OR2AT4: variants seen among roughly 807,000 people sequenced by gnomAD.
OR2AT4 encodes olfactory receptor family 2 subfamily AT member 4.
Under a neutral mutation model 10.3 loss-of-function variants are expected in OR2AT4, and 6 were observed. The ratio of observed to expected loss-of-function variants is 0.58; its 90% CI spans 0.32 to 1.15. OR2AT4 has a LOEUF of 1.15. Among genes scored for constraint, OR2AT4 ranks in the 50% most tolerant of loss-of-function variants. The pLI, the probability that OR2AT4 is intolerant of heterozygous loss-of-function variation, is 0.05. For missense variants in OR2AT4, 354 were observed against 393.8 expected (o/e 0.90, Z 0.85); for synonymous variants, 145 against 159.1 (o/e 0.91, Z 0.67).
exon 2 of OR2AT4, chr11:75,087,087 T>C (rs1198674087): frequency 6.6e-6 from 1 of 152,182 alleles, no homozygotes; most frequent in Admixed American, 6.5e-5. Flanking sequence ...TAAGAAGATA[T>C]AATAAAATGC....
At chr11:75,091,902 C>G (rs573889104) in intron 1 of OR2AT4, among the ~76,000 whole-genome samples, 175 of 152,120 alleles carry the variant, frequency 1.2e-3, no homozygotes, top group South Asian at 3.5e-3. Context: ...AATTTTACTT[C>G]GCTCAAAAAA....
chr11:75,094,640 C>A (rs991748946), intron 1 of OR2AT4, among the ~76,000 whole-genome samples: 2 of 152,082 alleles, frequency 1.3e-5, no homozygotes, highest in African/African-American at 4.8e-5. Flanking sequence ...TCTCACTACT[C>A]AGAAGGCTGA....
In OR2AT4 at chr11:75,089,764, A is replaced by G. The variant is rs764701198; in HGVS notation, c.-51T>C. ...AGATGGGCAGCTGGAACATCTAGAC[A>G]TTGGAAACATCTGGAAACCATAGAA... On this transcript the variant is annotated 5_prime_UTR_variant, in exon 2 of 2. The change abolishes an upstream ATG in the 5' untranslated region. Transcript: ENST00000641504. The G allele has an allele frequency of 3.2e-6, 5 of 1,547,522 alleles. No individual in the cohort carries two copies. The Admixed American group carries it at 5.8e-5, about 18-fold the overall frequency.
exon 2 of OR2AT4, chr11:75,083,984 G>GA (rs1296425950): frequency 3.5e-5 from 5 of 144,760 alleles, no homozygotes; most frequent in Admixed American, 6.9e-5. Context: ...AAAAAAAAAA[G>GA]AAAAAAAAAG....
chr11:75,093,877 A>C (rs1382702359), intron 1 of OR2AT4, among the ~76,000 whole-genome samples: 4 of 123,584 alleles, frequency 3.2e-5, no homozygotes, highest in Non-Finnish European at 6.3e-5. Context: ...GCTGGAGTGC[A>C]GTGGTACAAG....
At chr11:75,091,160 A>G (rs928188780) in intron 1 of OR2AT4, among the ~76,000 whole-genome samples, 2 of 152,162 alleles carry the variant, frequency 1.3e-5, no homozygotes, top group African/African-American at 4.8e-5. Context: ...TAGCCAGCCT[A>G]CCTTACTCTA....
rs964436159 is a variant in OR2AT4, at chr11:75,089,884, C to T, written c.-171G>A. The T allele has an allele frequency of 3.7e-5, 25 of 671,982 alleles. No homozygotes were observed. In the African/African-American group the frequency reaches 4.5e-4, roughly 12 times the overall value. 41.6% of individuals were successfully genotyped at this position (671,982 alleles called of 1,614,324 possible). A position where few individuals can be genotyped will look rare whatever the true frequency, so the allele number is the denominator to read the frequency against. ...CCAACTGTAGAGGACTGATGAGGGG[C>T]TATGGTATTGACTTTTGCCATGTGA... is the stretch of plus-strand genomic sequence containing the variant. On this transcript the variant is annotated 5_prime_UTR_variant, in exon 2 of 2. Coordinates refer to ENST00000641504, the Ensembl canonical transcript of OR2AT4.
chr11:75,095,185 G>A (rs1480892272), intron 1 of OR2AT4, among the ~76,000 whole-genome samples: 1 of 152,218 alleles, frequency 6.6e-6, no homozygotes, highest in Non-Finnish European at 1.5e-5. Context: ...CATAGCAGAA[G>A]TAGGTTTTAA....
chr11:75,084,978 A>G (rs567356873), exon 2 of OR2AT4: 1 of 152,306 alleles, frequency 6.6e-6, no homozygotes, highest in South Asian at 2.1e-4. Context: ...TCAGGAAATT[A>G]GAAAAATGAT....
chr11:75,095,862 G>C (rs545462902), intron 1 of OR2AT4, among the ~76,000 whole-genome samples: 2 of 152,170 alleles, frequency 1.3e-5, no homozygotes, highest in South Asian at 4.2e-4. Context: ...ATTTTTAGTA[G>C]AGATGGTGTT....
chr11:75,083,431 A>T (rs565323749), exon 2 of OR2AT4: 2 of 152,342 alleles, frequency 1.3e-5, no homozygotes, highest in South Asian at 4.1e-4. Context: ...TGGAATGCTT[A>T]TACACTGTTG....
At chr11:75,091,574 T>A (rs1300542023) in intron 1 of OR2AT4, among the ~76,000 whole-genome samples, 1 of 152,140 alleles carries the variant, frequency 6.6e-6, no homozygotes, top group African/African-American at 2.4e-5. Flanking sequence ...GAAGACAGGA[T>A]TAGAGACCTG....
intron 1 of OR2AT4, among the ~76,000 whole-genome samples, chr11:75,090,861 T>C (rs535785286): frequency 6.6e-6 from 1 of 152,236 alleles, no homozygotes; most frequent in South Asian, 2.1e-4. Flanking sequence ...CACACACTGG[T>C]ATTTCCTCTC....
At chr11:75,092,275 T>C (rs1949323687) in intron 1 of OR2AT4, among the ~76,000 whole-genome samples, 1 of 152,228 alleles carries the variant, frequency 6.6e-6, no homozygotes, top group African/African-American at 2.4e-5. Context: ...TGATGGTAAC[T>C]AGTACAACCA....
At chr11:75,083,103 G>A (rs946063181) in exon 2 of OR2AT4, 1 of 151,032 alleles carries the variant, frequency 6.6e-6, no homozygotes, top group Non-Finnish European at 1.5e-5. Flanking sequence ...GGAGGGGTGG[G>A]GAGAGAGAAG....
At chr11:75,093,795 TTTCTTTTTCTTTTTC>T (rs1318764429) in intron 1 of OR2AT4, among the ~76,000 whole-genome samples, 4 of 109,252 alleles carry the variant, frequency 3.7e-5, no homozygotes, top group Non-Finnish European at 5.1e-5. Context: ...TTTTCTTTTT[TTTCTTTTTCTTTTTC>T]TTTTTTTTTT....
In OR2AT4 at chr11:75,088,976, G is replaced by A. The variant is rs756123118; in HGVS notation, c.738C>T (p.Cys246=). The A allele has an allele frequency of 3.1e-6, 5 of 1,614,202 alleles. No homozygotes were observed. The South Asian group carries it at 5.5e-5, about 18-fold the overall frequency. ...TGCCCACGACCAGAAGGTGGGAGCT[G>A]CAGGTGGAGAAGGCTTTTGCCCGTC... The change falls in exon 2 of 2, where the codon TGC becomes TGT. Residue 246 remains cysteine, a synonymous_variant. Coordinates refer to ENST00000641504, the Ensembl canonical transcript of OR2AT4.
At chr11:75,088,776 T>C (rs760232025) in exon 2 of OR2AT4, 2 of 1,576,108 alleles carry the variant, frequency 1.3e-6, no homozygotes, top group Non-Finnish European at 1.7e-6. Flanking sequence ...ACAGCCTGGG[T>C]CTTGAGACAT....
intron 1 of OR2AT4, among the ~76,000 whole-genome samples, chr11:75,093,915 C>T (rs1472299854): frequency 5.6e-5 from 8 of 142,758 alleles, no homozygotes; most frequent in African/African-American, 1.6e-4. Context: ...TCTGCCCTCC[C>T]GGGTTCAAGT....
Sources: gnomAD v4.1 joint callset for allele counts (sites outside exome capture counted in the v4.1 genomes callset) on GRCh38, gnomAD v4.1.1 for gene constraint, MANE v1.5 for transcripts, NCBI Gene and HGNC (gene_info 2026-07-23, HGNC 2026-07-21) for gene names.